The following TRIM33 variants were observed in gnomAD, a reference collection of about 807,000 sequenced individuals.
TRIM33 encodes E3 ubiquitin-protein ligase TRIM33.
In TRIM33, 20 loss-of-function variants were observed where a neutral mutation model predicts 125.4. The ratio of observed to expected loss-of-function variants is 0.16; its 90% CI spans 0.11 to 0.23. The LOEUF is 0.23. Ranked by LOEUF, TRIM33 falls within the 10% of genes least tolerant of loss-of-function variation. TRIM33 has a pLI of 1.00. For synonymous variants in TRIM33, 564 were observed against 513.9 expected (o/e 1.10, Z -1.32); for missense variants, 920 against 1,411.4 (o/e 0.65, Z 5.58).
chr1:114,456,829 G>A (rs1649657006), intron 4 of TRIM33, among the ~76,000 whole-genome samples: 1 of 152,142 alleles, frequency 6.6e-6, no homozygotes. Context: ...ACGCAATGGT[G>A]ATAAAAAGTT....
rs1653198762 is a variant in TRIM33, at chr1:114,420,323, T to C, written c.2061+1113A>G. 4.8e-6 allele frequency: 5 copies of C among 1,047,728 alleles called. No homozygotes were observed. The South Asian group carries it at 6.6e-5, about 14-fold the overall frequency. The allele number at this position is 1,047,728 out of a possible 1,614,324, so 64.9% of individuals were successfully genotyped here. ...ATCTTGGCCTTCTAACCCCATCCTT[T>C]TCTCAGCCCAACTGACTACCCCTTT... On this transcript the variant is annotated intron_variant, in intron 11 of 19. Coordinates refer to ENST00000358465, the MANE Select transcript of TRIM33 (RefSeq NM_015906.4).
intron 4 of TRIM33, among the ~76,000 whole-genome samples, chr1:114,451,506 T>C (rs1165893258): frequency 2.0e-5 from 3 of 152,144 alleles, no homozygotes; most frequent in Non-Finnish European, 4.4e-5. Flanking sequence ...AAAAACCCCA[T>C]GGTTTATCTA....
At chr1:114,408,804 G>C in intron 12 of TRIM33, 64 bp from the exon 13 acceptor site, 3 of 1,124,708 alleles carry the variant, frequency 2.7e-6, no homozygotes, top group Non-Finnish European at 3.9e-6. Context: ...TCTACCTACC[G>C]GTCACAGAAC....
intron 1 of TRIM33, among the ~76,000 whole-genome samples, chr1:114,478,000 G>C (rs891372419): frequency 2.6e-5 from 4 of 152,098 alleles, no homozygotes; most frequent in South Asian, 2.1e-4. Flanking sequence ...TGGCACAAGG[G>C]AAAGCAAATC....
intron 1 of TRIM33, among the ~76,000 whole-genome samples, chr1:114,485,895 G>C (rs1436546376): frequency 2.6e-5 from 4 of 152,154 alleles, no homozygotes; most frequent in African/African-American, 7.2e-5. Context: ...AAGACAATCA[G>C]TACATGCCCA....
At chr1:114,461,823 C>A (rs560160201) in intron 4 of TRIM33, among the ~76,000 whole-genome samples, 8 of 152,260 alleles carry the variant, frequency 5.3e-5, no homozygotes, top group Non-Finnish European at 8.8e-5. Flanking sequence ...AGACTGTTAG[C>A]AGACAATCTA....
At chr1:114,508,267 G>T (rs1045947055) in intron 1 of TRIM33, among the ~76,000 whole-genome samples, 4 of 152,128 alleles carry the variant, frequency 2.6e-5, no homozygotes, top group African/African-American at 9.7e-5. Context: ...ATAAAGAAAT[G>T]AAGAGGGGAT....
chr1:114,485,781 AT>A (rs1027483405), intron 1 of TRIM33, among the ~76,000 whole-genome samples: 4 of 152,230 alleles, frequency 2.6e-5, no homozygotes, highest in African/African-American at 9.6e-5. Flanking sequence ...CTGGAAAAAA[AT>A]GAAGATTAAA....
At chr1:114,412,405 A>G (rs1157522070) in intron 11 of TRIM33, among the ~76,000 whole-genome samples, 1 of 152,246 alleles carries the variant, frequency 6.6e-6, no homozygotes, top group East Asian at 1.9e-4. Flanking sequence ...AAAGTGTAGT[A>G]CCTGATGTGA....
chr1:114,478,461 A>G (rs1221825012), intron 1 of TRIM33, among the ~76,000 whole-genome samples: 1 of 152,212 alleles, frequency 6.6e-6, no homozygotes, highest in Non-Finnish European at 1.5e-5. Flanking sequence ...AGAGTCACGG[A>G]AGGGCTAAGA....
chr1:114,433,627 C>A lies in TRIM33; in HGVS notation c.1030G>T (p.Val344Leu). ...AGGCAACAAACTTACCTATTCTGCA[C>A]CTGAGTAGCTGCAAAATGAACATAA... ...KNYVHFAATQVQNRIKEVNET... is the reference protein window; with the variant it reads ...KNYVHFAATQLQNRIKEVNET... The change falls in exon 5 of 20, where the codon GTG becomes TTG. Residue 344 changes from valine (V) to leucine (L), a missense_variant. By Grantham distance (32) the Val-to-Leu change is conservative. Coordinates refer to ENST00000358465, the MANE Select transcript of TRIM33 (RefSeq NM_015906.4). 1 of 1,601,758 alleles carries A rather than the reference C, an allele frequency of 6.2e-7. No individual in the cohort carries two copies. Among genetic ancestry groups the A allele is most frequent in the Non-Finnish European group, 8.5e-7 (1 of 1,171,322 alleles).
At chr1:114,478,043 A>C (rs185640402) in intron 1 of TRIM33, among the ~76,000 whole-genome samples, 16 of 152,378 alleles carry the variant, frequency 1.1e-4, no homozygotes, top group Admixed American at 7.8e-4. Flanking sequence ...AAACTGTACA[A>C]AACTGTCACA....
At chr1:114,399,427 C>A in intron 18 of TRIM33, 30 bp downstream of exon 18, 1 of 1,579,272 alleles carries the variant, frequency 6.3e-7, no homozygotes, top group Non-Finnish European at 8.6e-7. Context: ...ACTAACAAAT[C>A]AAGACTCTAT....
Position 114,402,867 on chromosome 1 carries a change from T to C in TRIM33, c.2785A>G (p.Thr929Ala), listed in dbSNP as rs1425737644. 6.2e-7 allele frequency: 1 copy of C among 1,613,622 alleles called. No homozygotes were observed. The highest frequency in any genetic ancestry group is 8.5e-7 in the Non-Finnish European group (1 of 1,179,846). ...GGCTTTCCAATATCTCTACAAAATG[T>C]GCATATCCAGTCCCCACTAGACAGG... Reference protein sequence around the residue: ...LSFPSGDWICTFCRDIGKPEV... With the variant: ...LSFPSGDWICAFCRDIGKPEV... Residue 929 changes from threonine to alanine, a missense_variant, in exon 16 of 20, where the codon ACA (threonine) becomes GCA (alanine). Physicochemically the swap from Thr to Ala is moderately conservative, Grantham distance 58 (BLOSUM62 0). Transcript: ENST00000358465.
intron 4 of TRIM33, among the ~76,000 whole-genome samples, chr1:114,445,208 C>A (rs909350350): frequency 6.6e-6 from 1 of 152,080 alleles, no homozygotes; most frequent in East Asian, 1.9e-4. Flanking sequence ...GTCTAACATA[C>A]GTGTAACTGA....
intron 1 of TRIM33, among the ~76,000 whole-genome samples, chr1:114,499,740 A>T (rs1278831810): frequency 1.3e-5 from 2 of 152,218 alleles, no homozygotes; most frequent in Non-Finnish European, 2.9e-5. Flanking sequence ...ACTGTCTAAA[A>T]CTATAAAACA....
chr1:114,461,313 T>TTATATTTTA (rs984296319), intron 4 of TRIM33, among the ~76,000 whole-genome samples: 6 of 146,702 alleles, frequency 4.1e-5, no homozygotes, highest in Non-Finnish European at 9.0e-5. Context: ...ATTTTATATT[T>TTATATTTTA]TATATATATA....
chr1:114,419,044 C>G (rs1465610871), intron 11 of TRIM33, among the ~76,000 whole-genome samples: 3 of 151,810 alleles, frequency 2.0e-5, no homozygotes, highest in Admixed American at 1.3e-4. Flanking sequence ...TCCATCTCTA[C>G]TAAAACACAA....
intron 11 of TRIM33, among the ~76,000 whole-genome samples, chr1:114,413,605 GAA>G (rs1557849321): frequency 9.9e-5 from 1 of 10,072 alleles, no homozygotes; most frequent in Non-Finnish European, 2.1e-4. Context: ...TTTCTGAAAA[GAA>G]AAAGTCCAAA....
Sources: gnomAD v4.1 joint callset for allele counts (sites outside exome capture counted in the v4.1 genomes callset) on GRCh38, gnomAD v4.1.1 for gene constraint, MANE v1.5 for transcripts, NCBI Gene and HGNC (gene_info 2026-07-23, HGNC 2026-07-21) for gene names.